The following PXN variants were observed in gnomAD, a reference collection of about 807,000 sequenced individuals.
PXN encodes testicular tissue protein Li 134.
PXN carries 61 observed loss-of-function variants against 103.6 expected under a neutral mutation model. The observed-to-expected ratio is 0.59, with a 90% CI of 0.48 to 0.73. PXN has a LOEUF of 0.73. Among genes scored for constraint, PXN ranks in the 30% least tolerant of loss-of-function variants. The pLI is 0.00. For missense variants in PXN, 1,274 were observed against 1,460.3 expected, an observed-to-expected ratio of 0.87 and a Z score of 2.08; for synonymous variants, 562 against 607.8, an observed-to-expected ratio of 0.92 and a Z score of 1.11.
At position 120,216,855 on chromosome 12, in the gene PXN, G is replaced by A; in HGVS notation, c.1978C>T (p.Gln660Ter). The A allele has an allele frequency of 6.6e-7, 1 of 1,509,170 alleles. No homozygotes were observed. The highest frequency in any genetic ancestry group is 8.8e-7 in the Non-Finnish European group (1 of 1,139,038). 93.5% of individuals were successfully genotyped at this position (1,509,170 alleles called of 1,614,324 possible). ...CTCCTCGCCACCTTCTCTACGAGCT[G>A]CCCCCCGGCCCGCTTCCCACGTGGC... is the stretch of plus-strand genomic sequence containing the variant. ...VQPRGKRAGG[Q>*]LVEKVVFPPG... The change falls in exon 8 of 15, where the codon CAG (glutamine) becomes TAG (stop). Residue 660 changes from glutamine (Q) to a stop codon, truncating the protein, a stop_gained. Transcript: ENST00000637617. LOFTEE classifies it high-confidence loss of function. The surrounding 1 kb of genome is among the most constrained non-coding windows in gnomAD (Gnocchi z 5.1).
chr12:120,241,575 C>T (rs193058676), intron 1 of PXN, among the ~76,000 whole-genome samples: 103 of 152,286 alleles, frequency 6.8e-4, no homozygotes, highest in African/African-American at 2.4e-3. Context: ...TGCCTGTCTC[C>T]GGGGAGCACT....
rs554600741 is a variant in PXN at position 120,216,010 on chromosome 12, G to A, written c.2301+263C>T. 8.0e-5 allele frequency: 109 copies of A among 1,356,826 alleles called. No homozygotes were observed. Among genetic ancestry groups the A allele is most frequent in the Admixed American group, 5.7e-4 (18 of 31,626 alleles). 84.0% of individuals were successfully genotyped at this position (1,356,826 alleles called of 1,614,324 possible). Reference sequence around the variant, plus strand: ...GGAGTGGCTTCTTTCCTCGATGGGAGCCCGGGGCAGTACTGAGGACCAGTC... The same window carrying A: ...GGAGTGGCTTCTTTCCTCGATGGGAACCCGGGGCAGTACTGAGGACCAGTC... On this transcript the variant is annotated intron_variant, in intron 9 of 14. Transcript: ENST00000637617. This position sits in a 1 kb window ranked among gnomAD's most constrained non-coding sequence, Gnocchi z 5.1.
chr12:120,263,126 C>T (rs763511685), intron 1 of PXN, among the ~76,000 whole-genome samples: 3 of 152,056 alleles, frequency 2.0e-5, no homozygotes, highest in Non-Finnish European at 4.4e-5. Context: ...GCTGAGAGCA[C>T]GCTCAGGAGA....
At chr12:120,259,797 T>TTG (rs772622310) in intron 1 of PXN, among the ~76,000 whole-genome samples, 4 of 152,158 alleles carry the variant, frequency 2.6e-5, no homozygotes, top group Non-Finnish European at 5.9e-5. Flanking sequence ...TCAGGGCCCA[T>TTG]CCCAGGTGAG....
chr12:120,224,188 T>C lies in PXN; in HGVS notation c.203A>G (p.Gln68Arg), dbSNP rs1886126542. ...GAATCGGGAGCTGCTGGGCTGCCACTGGTCTAAGGGGTCAAGGATTGTGCC... is the reference window on the plus strand; with the variant it reads ...GAATCGGGAGCTGCTGGGCTGCCACCGGTCTAAGGGGTCAAGGATTGTGCC... ...LNGTILDPLDQWQPSSSRFIH... is the reference protein window; with the variant it reads ...LNGTILDPLDRWQPSSSRFIH... Residue 68 changes from glutamine (Q) to arginine (R), a missense_variant, in exon 2 of 15, where the codon CAG becomes CGG. Physicochemically the swap from Gln to Arg is conservative, Grantham distance 43. This residue lies in a region of PXN where 1,178 missense variants were observed against 1,309.0 expected (regional missense o/e 0.90). Coordinates refer to ENST00000637617, the MANE Select transcript of PXN (RefSeq NM_001385981.1). This position sits in a 1 kb window ranked among gnomAD's most constrained non-coding sequence, Gnocchi z 5.0. 2 of 1,605,232 alleles carry C rather than the reference T, an allele frequency of 1.2e-6. No individual in the cohort carries two copies. Among genetic ancestry groups the C allele is most frequent in the Non-Finnish European group, 1.7e-6 (2 of 1,175,754 alleles).
chr12:120,241,594 GGA>G (rs1297038633), intron 1 of PXN, among the ~76,000 whole-genome samples: 2 of 152,232 alleles, frequency 1.3e-5, no homozygotes, highest in Non-Finnish European at 2.9e-5. Flanking sequence ...CTGACTAGTG[GGA>G]GACTGTCATA....
Position 120,214,756 on chromosome 12 carries a change from G to A in PXN, c.2748+69C>T. On this transcript the variant is annotated intron_variant, in intron 12 of 14. Coordinates refer to ENST00000637617, the MANE Select transcript of PXN (RefSeq NM_001385981.1). This position sits in a 1 kb window ranked among gnomAD's most constrained non-coding sequence, Gnocchi z 5.0. ...CTCTGAGCCTCCCACGGCACCCCCT[G>A]CATCCTCAGAGGGCTGCGGTGAAGC... The A allele has an allele frequency of 6.3e-7, 1 of 1,580,424 alleles. No homozygotes were observed. The highest frequency in any genetic ancestry group is 1.3e-5 in the African/African-American group (1 of 74,506).
chr12:120,230,613 A>T (rs191131758), intron 1 of PXN, among the ~76,000 whole-genome samples: 1 of 152,226 alleles, frequency 6.6e-6, no homozygotes, highest in Non-Finnish European at 1.5e-5. Flanking sequence ...ACAGAACGGG[A>T]AGGCGGGTCT....
At chr12:120,223,933 C>T in intron 2 of PXN, 100 bp from the exon 3 acceptor site, 2 of 965,376 alleles carry the variant, frequency 2.1e-6, no homozygotes, top group Non-Finnish European at 3.1e-6. Flanking sequence ...TGCCCACAGC[C>T]AGTCTCACCA....
In PXN at chr12:120,215,059, G is replaced by C; in HGVS notation, c.2574+44C>G. 6.2e-7 allele frequency: 1 copy of C among 1,600,394 alleles called. No homozygotes were observed. On this transcript the variant is annotated intron_variant, in intron 11 of 14. Coordinates refer to ENST00000637617, the MANE Select transcript of PXN (RefSeq NM_001385981.1). The surrounding 1 kb of genome is among the most constrained non-coding windows in gnomAD (Gnocchi z 4.9). Reference sequence around the variant, plus strand: ...CCAGCCCCGGAGCACCCCCACCCCTGCAGGAGTCCACTGGCCACACCCCTG... The same window carrying C: ...CCAGCCCCGGAGCACCCCCACCCCTCCAGGAGTCCACTGGCCACACCCCTG...
rs530617032 is a variant in PXN, at chr12:120,213,136, TGGGAGGCCAA to T, written c.2980-566_2980-557del. On this transcript the variant is annotated intron_variant, in intron 14 of 14. Coordinates refer to ENST00000637617, the MANE Select transcript of PXN (RefSeq NM_001385981.1). The surrounding 1 kb of genome is among the most constrained non-coding windows in gnomAD (Gnocchi z 4.2). ...GCTCACACTTGTAATCCCAGCACTT[TGGGAGGCCAA>T]GGGAGGCGGATCACCTGAGGTCAGG... 278 of 153,200 alleles carry T rather than the reference TGGGAGGCCAA, an allele frequency of 1.8e-3. No individual in the cohort carries two copies. Among genetic ancestry groups the T allele is most frequent in the Non-Finnish European group, 2.8e-3 (190 of 68,714 alleles). The allele number at this position is 153,200 out of a possible 1,614,324, so 9.5% of individuals were successfully genotyped here.
In PXN at chr12:120,247,734, G is replaced by A. The variant is rs60134107; in HGVS notation, c.13+17883C>T. The A allele has an allele frequency of 7.8e-3, 1,193 of 153,454 alleles. 26 individuals carry two copies. The East Asian group carries it at 0.1, about 13-fold the overall frequency. The allele number at this position is 153,454 out of a possible 1,614,324, so 9.5% of individuals were successfully genotyped here. A position where few individuals can be genotyped will look rare whatever the true frequency, so the allele number is the denominator to read the frequency against. On this transcript the variant is annotated intron_variant, in intron 1 of 14. Coordinates refer to ENST00000637617, the MANE Select transcript of PXN (RefSeq NM_001385981.1). The stretch of plus-strand genomic sequence containing the variant: ...TGGATGGTCCTCCCGAGATTGCTAA[G>A]CAGATTACGTCCATCTGTACTGAGC...
intron 1 of PXN, among the ~76,000 whole-genome samples, chr12:120,236,588 T>C (rs1889105163): frequency 6.6e-6 from 1 of 150,398 alleles, no homozygotes; most frequent in Non-Finnish European, 1.5e-5. Context: ...AGCAATTCCC[T>C]GCCTCAGCCT....
chr12:120,219,710 AG>A lies in PXN; in HGVS notation c.1212del (p.Cys405ValfsTer57), dbSNP rs770413041. ...TCTTGGAGAGCTGTGCTCCCAGCAC[AG>A]GGTACAGTGTGGCAGCGGGGAGCCC... ...LSGAPRCHTV[P>X]CAGSTALQEP... On this transcript the variant is annotated frameshift_variant, in exon 7 of 15. Transcript: ENST00000637617. LOFTEE classifies it high-confidence loss of function. This position sits in a 1 kb window ranked among gnomAD's most constrained non-coding sequence, Gnocchi z 6.5. The A allele has an allele frequency of 5.6e-6, 9 of 1,595,088 alleles. No individual in the cohort carries two copies. The East Asian group carries it at 2.0e-4, about 36-fold the overall frequency.
intron 1 of PXN, among the ~76,000 whole-genome samples, chr12:120,251,446 G>A (rs532237698): frequency 6.6e-6 from 1 of 152,030 alleles, no homozygotes; most frequent in African/African-American, 2.4e-5. Flanking sequence ...GAACATGGGA[G>A]GTGGAGGCTG....
At position 120,213,880 on chromosome 12, in the gene PXN, G is replaced by A. The variant is rs747281175; in HGVS notation, c.2941C>T (p.Leu981Phe). 17 of 1,611,378 alleles carry A rather than the reference G, an allele frequency of 1.1e-5. No individual in the cohort carries two copies. Among genetic ancestry groups the A allele is most frequent in the Admixed American group, 6.7e-5 (4 of 59,676 alleles). Residue 981 changes from leucine to phenylalanine, a missense_variant, in exon 14 of 15, where the codon CTC (leucine) becomes TTC (phenylalanine). By Grantham distance (22) the Leu-to-Phe change is conservative. This residue lies in a region of PXN where 96 missense variants were observed against 151.3 expected (regional missense o/e 0.63). Coordinates refer to ENST00000637617, the MANE Select transcript of PXN (RefSeq NM_001385981.1). This position sits in a 1 kb window ranked among gnomAD's most constrained non-coding sequence, Gnocchi z 4.2. ...CACTCAGGATGCCACAGCGTGTTGA[G>A]GGCTGAGATATAGTTCTCCAGGATG... ...RAILENYISALNTLWHPECFV... is the reference protein window; with the variant it reads ...RAILENYISAFNTLWHPECFV...
chr12:120,243,749 C>A (rs371280692), intron 1 of PXN, among the ~76,000 whole-genome samples: 1 of 152,168 alleles, frequency 6.6e-6, no homozygotes, highest in African/African-American at 2.4e-5. Flanking sequence ...GAAGCCCTCC[C>A]TGACCTTACT....
Position 120,217,799 on chromosome 12 carries a change from C to G in PXN, c.1717-683G>C, listed in dbSNP as rs1883701833. ...TTTTTTAGTAGAGATGGGGTTTCAT[C>G]ATGTTGGTTCGGCTGGTCTCAAACT... is the stretch of plus-strand genomic sequence containing the variant. On this transcript the variant is annotated intron_variant, in intron 7 of 14. Transcript: ENST00000637617. The surrounding 1 kb of genome is among the most constrained non-coding windows in gnomAD (Gnocchi z 4.1). Among the ~76,000 whole-genome samples the G allele has an allele frequency of 6.6e-6, 1 of 151,228 alleles. No individual in the cohort carries two copies. The highest frequency in any genetic ancestry group is 1.5e-5 in the Non-Finnish European group (1 of 67,832).
intron 1 of PXN, among the ~76,000 whole-genome samples, chr12:120,245,717 G>T (rs1270069967): frequency 6.6e-6 from 1 of 151,066 alleles, no homozygotes; most frequent in Non-Finnish European, 1.5e-5. Context: ...GAACCCAGGA[G>T]GCGGAGCTTT....
Sources: allele counts gnomAD v4.1 joint callset (sites outside exome capture counted in the v4.1 genomes callset), GRCh38; gene constraint gnomAD v4.1.1; regional missense constraint gnomAD v4.1.1; non-coding constraint Gnocchi (gnomAD v3.1); transcripts MANE v1.5; gene names NCBI Gene and HGNC (gene_info 2026-07-23, HGNC 2026-07-21).